Variants in STAT1 observed in about 807,000 individuals in gnomAD.
STAT1 encodes signal transducer and activator of transcription 1.
STAT1 carries 24 observed loss-of-function variants against 111.7 expected under a neutral mutation model. That is an observed-to-expected ratio of 0.21 (90% CI 0.16 to 0.30). The LOEUF (loss-of-function observed/expected upper bound fraction) is 0.30. STAT1 is among the 10% of genes least tolerant of loss of function. The pLI is 1.00. For synonymous variants in STAT1, 332 were observed against 326.5 expected (o/e 1.02, Z -0.18); for missense variants, 351 against 911.9 (o/e 0.38, Z 7.92).
In STAT1 at chr2:190,986,815, A is replaced by C; in HGVS notation, c.1221+39T>G. The C allele has an allele frequency of 6.3e-7, 1 of 1,590,796 alleles. No individual in the cohort carries two copies. Among genetic ancestry groups the C allele is most frequent in the Non-Finnish European group, 8.6e-7 (1 of 1,158,746 alleles). ...CTGCTCTATTGTCAAAAGTCCTAAG[A>C]AACCAGAGACAACATAGAGAGGAAA... On this transcript the variant is annotated intron_variant, in intron 14 of 24. Coordinates refer to ENST00000361099, the MANE Select transcript of STAT1 (RefSeq NM_007315.4). This position sits in a 1 kb window ranked among gnomAD's most constrained non-coding sequence, Gnocchi z 5.0.
In STAT1 at chr2:190,986,788, G is replaced by A. The variant is rs1692863218; in HGVS notation, c.1221+66C>T. On this transcript the variant is annotated intron_variant, in intron 14 of 24. Transcript: ENST00000361099. The surrounding 1 kb of genome is among the most constrained non-coding windows in gnomAD (Gnocchi z 5.0). ...CTCCACATGGCAATGTGCCAAAAAGGGCTGCTCTATTGTCAAAAGTCCTAA... is the reference window on the plus strand; with the variant it reads ...CTCCACATGGCAATGTGCCAAAAAGAGCTGCTCTATTGTCAAAAGTCCTAA... The A allele has an allele frequency of 1.3e-6, 2 of 1,489,440 alleles. No individual in the cohort carries two copies. Among genetic ancestry groups the A allele is most frequent in the South Asian group, 2.3e-5 (2 of 88,480 alleles). The allele number at this position is 1,489,440 out of a possible 1,614,324, so 92.3% of individuals were successfully genotyped here. A position where few individuals can be genotyped will look rare whatever the true frequency, so the allele number is the denominator to read the frequency against.
chr2:191,002,083 T>C (rs1467437389), intron 5 of STAT1, among the ~76,000 whole-genome samples: 1 of 152,216 alleles, frequency 6.6e-6, no homozygotes, highest in Non-Finnish European at 1.5e-5. Context: ...TTAGAAAGCC[T>C]TTCCCTATTG....
chr2:190,979,543 GTT>G lies in STAT1; in HGVS notation c.1727+227_1727+228del, dbSNP rs369850201. ...AATGCATGAATGGCACTCAAGAGTT[GTT>G]TTTTTTTTTTAATTTAGCTTTGCCA... On this transcript the variant is annotated intron_variant, in intron 20 of 24. Transcript: ENST00000361099. The surrounding 1 kb of genome is among the most constrained non-coding windows in gnomAD (Gnocchi z 5.8). Among the ~76,000 whole-genome samples the G allele has an allele frequency of 6.9e-6, 1 of 144,686 alleles. No individual in the cohort carries two copies. 94.9% of individuals were successfully genotyped at this position (144,686 alleles called of 152,430 possible). A position where few individuals can be genotyped will look rare whatever the true frequency, so the allele number is the denominator to read the frequency against.
Position 190,987,468 on chromosome 2 carries a change from G to C in STAT1, c.1098-400C>G, listed in dbSNP as rs756220134. Among the ~76,000 whole-genome samples the C allele has an allele frequency of 6.6e-6, 1 of 152,212 alleles. No homozygotes were observed. Among genetic ancestry groups the C allele is most frequent in the Non-Finnish European group, 1.5e-5 (1 of 68,040 alleles). ...TTTATTGAGCAGCTACTTGGTGCAA[G>C]GCCCTGCACTAAGCACTGGGGATCC... On this transcript the variant is annotated intron_variant, in intron 12 of 24. Coordinates refer to ENST00000361099, the MANE Select transcript of STAT1 (RefSeq NM_007315.4). This position sits in a 1 kb window ranked among gnomAD's most constrained non-coding sequence, Gnocchi z 4.0.
intron 10 of STAT1, among the ~76,000 whole-genome samples, chr2:190,991,697 ATTT>A (rs1693349768): frequency 6.8e-6 from 1 of 147,358 alleles, no homozygotes; most frequent in Non-Finnish European, 1.5e-5. Flanking sequence ...TATCTTTACA[ATTT>A]GTTTTTTTTT....
At chr2:190,994,036 C>T (rs887138160) in intron 10 of STAT1, among the ~76,000 whole-genome samples, 10 of 152,082 alleles carry the variant, frequency 6.6e-5, no homozygotes, top group Middle Eastern at 3.4e-3. Flanking sequence ...CTGTAGGCCA[C>T]GAAGGGAGAT....
In STAT1 at chr2:190,975,640, T is replaced by A; in HGVS notation, c.2135+172A>T. The A allele has an allele frequency of 6.9e-7, 1 of 1,445,516 alleles. No individual in the cohort carries two copies. The highest frequency in any genetic ancestry group is 2.5e-5 in the East Asian group (1 of 39,476). 89.5% of individuals were successfully genotyped at this position (1,445,516 alleles called of 1,614,324 possible). ...TTGGTTTTTGGCTTTTTTTTTTTTT[T>A]TAAAGTAGTAAAATGCTGATAGGCA... On this transcript the variant is annotated intron_variant, in intron 23 of 24. Coordinates refer to ENST00000361099, the MANE Select transcript of STAT1 (RefSeq NM_007315.4). The surrounding 1 kb of genome is among the most constrained non-coding windows in gnomAD (Gnocchi z 5.9).
Position 190,977,104 on chromosome 2 carries a change from T to G in STAT1, c.1874-79A>C. 7.1e-7 allele frequency: 1 copy of G among 1,410,908 alleles called. No homozygotes were observed. The allele number at this position is 1,410,908 out of a possible 1,614,324, so 87.4% of individuals were successfully genotyped here. A position where few individuals can be genotyped will look rare whatever the true frequency, so the allele number is the denominator to read the frequency against. The stretch of plus-strand genomic sequence containing the variant: ...GACAGAGAAATAAAACACTGCAGAG[T>G]TGATGGATTTGAGTGAACCTCATAA... On this transcript the variant is annotated intron_variant, in intron 21 of 24. Transcript: ENST00000361099. The surrounding 1 kb of genome is among the most constrained non-coding windows in gnomAD (Gnocchi z 4.7).
In STAT1 at chr2:190,970,436, G is replaced by C. The variant is rs548677582; in HGVS notation, c.*267C>G. ...CCCTCATTCTCGTCCTGATACTTTG[G>C]GTGTATCTGGATGTTTTTCACTTGT... On this transcript the variant is annotated 3_prime_UTR_variant, in exon 25 of 25. Coordinates refer to ENST00000361099, the MANE Select transcript of STAT1 (RefSeq NM_007315.4). The surrounding 1 kb of genome is among the most constrained non-coding windows in gnomAD (Gnocchi z 5.4). 1.3e-4 allele frequency: 71 copies of C among 536,172 alleles called. No homozygotes were observed. The highest frequency in any genetic ancestry group is 1.3e-3 in the African/African-American group (69 of 52,464). The allele number at this position is 536,172 out of a possible 1,614,324, so 33.2% of individuals were successfully genotyped here.
At chr2:191,005,555 C>T (rs1694626559) in intron 5 of STAT1, among the ~76,000 whole-genome samples, 1 of 152,146 alleles carries the variant, frequency 6.6e-6, no homozygotes, top group African/African-American at 2.4e-5. Flanking sequence ...AGGTTTGTAG[C>T]CTAGGAGCAA....
chr2:190,977,060 A>C lies in STAT1; in HGVS notation c.1874-35T>G, dbSNP rs113665303. On this transcript the variant is annotated intron_variant, in intron 21 of 24. Coordinates refer to ENST00000361099, the MANE Select transcript of STAT1 (RefSeq NM_007315.4). The surrounding 1 kb of genome is among the most constrained non-coding windows in gnomAD (Gnocchi z 4.7). The stretch of plus-strand genomic sequence containing the variant: ...AGAAAAGCTAAGTAAATCCCATAGA[A>C]CATCCCAAAATGAAAGAGGACAGAG... 3.7e-6 allele frequency: 6 copies of C among 1,605,094 alleles called. No individual in the cohort carries two copies. Among genetic ancestry groups the C allele is most frequent in the African/African-American group, 1.3e-5 (1 of 74,822 alleles).
chr2:191,010,110 A>G, intron 2 of STAT1, 106 bp from the exon 3 acceptor site: 1 of 1,297,954 alleles, frequency 7.7e-7, no homozygotes, highest in Non-Finnish European at 1.1e-6. Context: ...TGCTTAATCC[A>G]AAACATAGTT....
At chr2:191,009,777 G>T in intron 3 of STAT1, 99 bp downstream of exon 3, 2 of 1,461,482 alleles carry the variant, frequency 1.4e-6, no homozygotes, top group Non-Finnish European at 1.9e-6. Context: ...AGTGGCCATT[G>T]ATGGAATTCA....
chr2:191,009,601 C>T (rs534035516), intron 3 of STAT1, among the ~76,000 whole-genome samples: 18 of 152,142 alleles, frequency 1.2e-4, no homozygotes, highest in East Asian at 5.8e-4. Context: ...GTCAGTATTC[C>T]GTAACTTGTC....
rs1392095093 is a variant in STAT1 at position 191,000,976 on chromosome 2, A to T, written c.462+98T>A. 9.7e-7 allele frequency: 1 copy of T among 1,031,268 alleles called. No individual in the cohort carries two copies. Among genetic ancestry groups the T allele is most frequent in the Middle Eastern group, 2.1e-4 (1 of 4,802 alleles). The allele number at this position is 1,031,268 out of a possible 1,614,324, so 63.9% of individuals were successfully genotyped here. On this transcript the variant is annotated intron_variant, in intron 6 of 24. Transcript: ENST00000361099. This position sits in a 1 kb window ranked among gnomAD's most constrained non-coding sequence, Gnocchi z 4.8. ...ATTTTTCTTCCCAACTACTTAAAAG[A>T]CTGAACTCAGTTACGAGGTTTACAC...
chr2:190,970,923 C>T lies in STAT1; in HGVS notation c.2239-206G>A, dbSNP rs141779871. Among the ~76,000 whole-genome samples, 62 of 152,328 alleles carry T rather than the reference C, an allele frequency of 4.1e-4. No homozygotes were observed. The highest frequency in any genetic ancestry group is 1.4e-3 in the African/African-American group (60 of 41,568). On this transcript the variant is annotated intron_variant, in intron 24 of 24. Transcript: ENST00000361099. The surrounding 1 kb of genome is among the most constrained non-coding windows in gnomAD (Gnocchi z 5.4). ...AGACCTTTTATATCACCTAAGCTGA[C>T]GGATTATTACTCTGCTGCCCACTGG...
chr2:190,992,101 AATTACAAT>A (rs1327363412), intron 10 of STAT1, among the ~76,000 whole-genome samples: 7 of 152,384 alleles, frequency 4.6e-5, no homozygotes, highest in African/African-American at 1.7e-4. Context: ...GTATGCAACA[AATTACAAT>A]ATTCTGCAGC....
rs751489077 is a variant in STAT1, at chr2:190,971,546, T to A, written c.2239-829A>T. 1.3e-5 allele frequency among the ~76,000 whole-genome samples: 2 copies of A among 152,038 alleles called. No individual in the cohort carries two copies. Among genetic ancestry groups the A allele is most frequent in the African/African-American group, 2.4e-5 (1 of 41,390 alleles). ...CCAGTAGCACCAAGACTGAGACACA[T>A]GGCACTAGACTGGAAAGCCTCTGGA... is the stretch of plus-strand genomic sequence containing the variant. On this transcript the variant is annotated intron_variant, in intron 24 of 24. Transcript: ENST00000361099. The surrounding 1 kb of genome is among the most constrained non-coding windows in gnomAD (Gnocchi z 4.1).
Position 190,977,068 on chromosome 2 carries a change from A to C in STAT1, c.1874-43T>G, listed in dbSNP as rs1476697496. The C allele has an allele frequency of 2.5e-6, 4 of 1,593,470 alleles. No individual in the cohort carries two copies. Among genetic ancestry groups the C allele is most frequent in the Non-Finnish European group, 3.4e-6 (4 of 1,161,434 alleles). On this transcript the variant is annotated intron_variant, in intron 21 of 24. Transcript: ENST00000361099. The surrounding 1 kb of genome is among the most constrained non-coding windows in gnomAD (Gnocchi z 4.7). ...TAAGTAAATCCCATAGAACATCCCA[A>C]AATGAAAGAGGACAGAGAAATAAAA... is the stretch of plus-strand genomic sequence containing the variant.
Sources: allele counts gnomAD v4.1 joint callset (sites outside exome capture counted in the v4.1 genomes callset), GRCh38; gene constraint gnomAD v4.1.1; non-coding constraint Gnocchi (gnomAD v3.1); transcripts MANE v1.5; gene names NCBI Gene and HGNC (gene_info 2026-07-23, HGNC 2026-07-21).